Variants in PCDHA4 observed in about 807,000 individuals in gnomAD.
PCDHA4 encodes protocadherin alpha 4.
A neutral mutation model predicts 61.4 loss-of-function variants in PCDHA4; 49 were observed. That is an observed-to-expected ratio of 0.80 (90% CI 0.63 to 1.01). The LOEUF (loss-of-function observed/expected upper bound fraction) is 1.01. Among genes scored for constraint, PCDHA4 ranks in the 50% least tolerant of loss-of-function variants. The pLI is 0.00. For missense variants in PCDHA4, 1,254 were observed against 1,235.8 expected (o/e 1.01, Z -0.22); for synonymous variants, 590 against 550.3 (o/e 1.07, Z -1.01).
At chr5:140,880,926 G>C (rs1554171610) in intron 1 of PCDHA4, among the ~76,000 whole-genome samples, 1 of 152,192 alleles carries the variant, frequency 6.6e-6, no homozygotes, top group African/African-American at 2.4e-5. Context: ...TACTATGTTA[G>C]TAAAAGTAAT....
intron 1 of PCDHA4, among the ~76,000 whole-genome samples, chr5:140,909,495 G>A (rs532080413): frequency 7.2e-5 from 11 of 152,278 alleles, no homozygotes; most frequent in African/African-American, 2.6e-4. Context: ...AGCTGAACGG[G>A]GATGTGGTGG....
chr5:140,967,278 G>A (rs2096121968), intron 1 of PCDHA4: 1 of 1,613,290 alleles, frequency 6.2e-7, no homozygotes. Flanking sequence ...CACATAGAGA[G>A]TGCGCAGGAC....
chr5:140,942,532 A>G (rs1474733493), intron 1 of PCDHA4, among the ~76,000 whole-genome samples: 2 of 152,142 alleles, frequency 1.3e-5, no homozygotes, highest in Non-Finnish European at 2.9e-5. Context: ...CAACTAACTC[A>G]GTATGGTGGG....
At chr5:140,996,129 G>A (rs190965499) in intron 3 of PCDHA4, among the ~76,000 whole-genome samples, 1 of 152,210 alleles carries the variant, frequency 6.6e-6, no homozygotes, top group Non-Finnish European at 1.5e-5. Flanking sequence ...TGGTGTAGAG[G>A]GTTCTCCCAT....
At chr5:141,009,036 T>C (rs782309668) in intron 3 of PCDHA4, among the ~76,000 whole-genome samples, 7 of 152,242 alleles carry the variant, frequency 4.6e-5, no homozygotes, top group Non-Finnish European at 1.0e-4. Context: ...TCCCATCCCG[T>C]TCCCAGTCAA....
chr5:140,851,140 G>C, intron 1 of PCDHA4: 1 of 1,310,362 alleles, frequency 7.6e-7, no homozygotes, highest in Non-Finnish European at 9.9e-7. Flanking sequence ...TGATTAAAGT[G>C]ACATTGAATT....
chr5:140,969,536 C>A, intron 1 of PCDHA4: 1 of 1,332,634 alleles, frequency 7.5e-7, no homozygotes, highest in South Asian at 1.6e-5. Flanking sequence ...TTTTCATTTT[C>A]AGAGGCATGA....
chr5:140,994,272 CT>C (rs1359828811), intron 3 of PCDHA4, among the ~76,000 whole-genome samples: 4 of 152,168 alleles, frequency 2.6e-5, no homozygotes, highest in African/African-American at 9.7e-5. Flanking sequence ...GCTAGGCTGC[CT>C]TTCTTGAGAC....
chr5:141,000,462 T>C (rs1554257607), intron 3 of PCDHA4, among the ~76,000 whole-genome samples: 1 of 139,384 alleles, frequency 7.2e-6, no homozygotes, highest in Non-Finnish European at 1.5e-5. Flanking sequence ...AGTTTTGCTC[T>C]TGTTGCCCAA....
At chr5:140,967,109 C>T in intron 1 of PCDHA4, 1 of 1,612,966 alleles carries the variant, frequency 6.2e-7, no homozygotes, top group Non-Finnish European at 8.5e-7. Flanking sequence ...TGAGCAGCGG[C>T]CTCGCTGCCT....
chr5:140,850,840 C>A (rs2150500104), intron 1 of PCDHA4: 2 of 1,597,492 alleles, frequency 1.3e-6, no homozygotes, highest in Non-Finnish European at 1.7e-6. Context: ...TGTGCTGGAT[C>A]TACAGAGCGA....
intron 1 of PCDHA4, among the ~76,000 whole-genome samples, chr5:140,909,911 A>T (rs747486870): frequency 1.3e-5 from 2 of 152,144 alleles, no homozygotes; most frequent in Non-Finnish European, 2.9e-5. Flanking sequence ...AATGGCAATC[A>T]TTTCCCTTTC....
chr5:140,861,504 G>A (rs900432439), intron 1 of PCDHA4: 5 of 480,672 alleles, frequency 1.0e-5, no homozygotes, highest in African/African-American at 2.0e-5. Context: ...GATAGACCTC[G>A]AGGAGCTGTG....
intron 1 of PCDHA4, chr5:140,824,610 G>T (rs1426239014): frequency 1.9e-3 from 177 of 95,052 alleles, no homozygotes; most frequent in South Asian, 7.2e-3. Flanking sequence ...GCTAATTAAA[G>T]TTTTTTTTTT....
At chr5:140,958,510 G>A (rs1476919397) in intron 1 of PCDHA4, among the ~76,000 whole-genome samples, 1 of 152,114 alleles carries the variant, frequency 6.6e-6, no homozygotes, top group Non-Finnish European at 1.5e-5. Flanking sequence ...AGGCATGGCT[G>A]TCCAATATAT....
intron 1 of PCDHA4, chr5:140,856,390 G>C: frequency 6.3e-7 from 1 of 1,598,554 alleles, no homozygotes; most frequent in South Asian, 1.1e-5. Flanking sequence ...GGCCGCTGCA[G>C]GTTTTCCATG....
intron 1 of PCDHA4, among the ~76,000 whole-genome samples, chr5:140,960,351 T>C (rs1268803425): frequency 3.3e-5 from 5 of 152,192 alleles, no homozygotes; most frequent in African/African-American, 7.2e-5. Flanking sequence ...AGATATGTAC[T>C]GAAATAATAT....
chr5:140,880,810 T>C (rs552209492), intron 1 of PCDHA4, among the ~76,000 whole-genome samples: 90 of 152,330 alleles, frequency 5.9e-4, no homozygotes, highest in Non-Finnish European at 1.1e-3. Flanking sequence ...TGAATGACTC[T>C]AGAGTGTCTG....
Position 140,841,112 on chromosome 5 carries a change from C to A in PCDHA4, c.2385+31540C>A, listed in dbSNP as rs190685960. The A allele has an allele frequency of 8.3e-6, 5 of 602,150 alleles. No individual in the cohort carries two copies. In the East Asian group the frequency reaches 1.4e-4, roughly 17 times the overall value. 37.3% of individuals were successfully genotyped at this position (602,150 alleles called of 1,614,324 possible). On this transcript the variant is annotated intron_variant, in intron 1 of 3. Transcript: ENST00000530339. ...GAACCCAGATATTGCGGAAGTAATT[C>A]ATGTAATCATTACCTTTTGAAGCCA... is the stretch of plus-strand genomic sequence containing the variant.
Sources: gnomAD v4.1 joint callset for allele counts (sites outside exome capture counted in the v4.1 genomes callset) on GRCh38, gnomAD v4.1.1 for gene constraint, MANE v1.5 for transcripts, NCBI Gene and HGNC (gene_info 2026-07-23, HGNC 2026-07-21) for gene names.